SYT9: variants seen among roughly 807,000 people sequenced by gnomAD.
The protein encoded by SYT9 is synaptotagmin-9.
SYT9 carries 22 observed loss-of-function variants against 48.4 expected under a neutral mutation model. That is an observed-to-expected ratio of 0.45 (90% CI 0.32 to 0.65). The LOEUF (loss-of-function observed/expected upper bound fraction) is 0.65, where lower values mean the gene tolerates loss of function less well. SYT9 is among the 30% of genes least tolerant of loss of function. The probability of loss-of-function intolerance (pLI) is 0.03; values close to 1 mark genes in which losing one functional copy is unlikely to be tolerated. For missense variants in SYT9, 577 were observed against 622.0 expected (o/e 0.93, Z 0.77); for synonymous variants, 265 against 245.0 (o/e 1.08, Z -0.76).
At chr11:7,449,856 C>T (rs1848012651) in intron 6 of SYT9, among the ~76,000 whole-genome samples, 1 of 152,082 alleles carries the variant, frequency 6.6e-6, no homozygotes. Flanking sequence ...TGTTTGTGAG[C>T]ATTGGGTCTG....
At chr11:7,331,262 A>G (rs1849524392) in intron 3 of SYT9, among the ~76,000 whole-genome samples, 1 of 75,900 alleles carries the variant, frequency 1.3e-5, no homozygotes, top group East Asian at 3.2e-3. Context: ...AACTGGTGGT[A>G]GCTGACTAAT....
intron 6 of SYT9, 66 bp from the exon 7 acceptor site, chr11:7,466,726 A>AG: frequency 1.3e-6 from 2 of 1,557,010 alleles, no homozygotes; most frequent in Non-Finnish European, 1.7e-6. Flanking sequence ...GTCTCAAAAA[A>AG]AAAAAAAAAA....
At position 7,425,180 on chromosome 11, in the gene SYT9, G is replaced by A. The variant is rs555598891; in HGVS notation, c.1467+4545G>A. On this transcript the variant is annotated intron_variant, in intron 6 of 6. Coordinates refer to ENST00000318881, the MANE Select transcript of SYT9 (RefSeq NM_175733.4). ...CAAGATTTGATTAGGTGTCCATCCCGGTGCAATTTGCTGTAGGTCTGGGGT... is the reference window on the plus strand; with the variant it reads ...CAAGATTTGATTAGGTGTCCATCCCAGTGCAATTTGCTGTAGGTCTGGGGT... Among the ~76,000 whole-genome samples the A allele has an allele frequency of 2.0e-4, 31 of 152,220 alleles. No individual in the cohort carries two copies. In the South Asian group the frequency reaches 5.0e-3, roughly 24 times the overall value.
intron 6 of SYT9, chr11:7,465,876 C>G (rs148347270): frequency 6.0e-6 from 1 of 165,876 alleles, no homozygotes; most frequent in Non-Finnish European, 1.3e-5. Flanking sequence ...CCCATCAGAT[C>G]TCGTGAGACT....
intron 6 of SYT9, chr11:7,444,168 A>G (rs12295324): frequency 0.13 from 19,163 of 152,260 alleles, 1,831 homozygotes; most frequent in African/African-American, 0.26. Flanking sequence ...ATGAACTGAC[A>G]GGTCTGAGAA....
intron 1 of SYT9, among the ~76,000 whole-genome samples, chr11:7,290,203 C>G (rs140558056): frequency 6.6e-6 from 1 of 152,296 alleles, no homozygotes; most frequent in East Asian, 1.9e-4. Flanking sequence ...TATTCTGACA[C>G]TAGGCAACCT....
chr11:7,436,707 G>T (rs1285523428), intron 6 of SYT9, among the ~76,000 whole-genome samples: 1 of 152,180 alleles, frequency 6.6e-6, no homozygotes, highest in Non-Finnish European at 1.5e-5. Flanking sequence ...ACAGATAAAT[G>T]CAAGAGCTAC....
chr11:7,377,552 T>A (rs1363573484), intron 3 of SYT9, among the ~76,000 whole-genome samples: 2 of 152,148 alleles, frequency 1.3e-5, no homozygotes, highest in Admixed American at 1.3e-4. Flanking sequence ...TCTCTTTCTT[T>A]ATTTTTTTTT....
chr11:7,454,328 T>A (rs1420274587), intron 6 of SYT9: 7 of 983,376 alleles, frequency 7.1e-6, no homozygotes. Context: ...GCTTACCATT[T>A]CCGCTCTCTG....
At chr11:7,379,325 G>T (rs1850514972) in intron 3 of SYT9, among the ~76,000 whole-genome samples, 1 of 152,094 alleles carries the variant, frequency 6.6e-6, no homozygotes, top group Non-Finnish European at 1.5e-5. Flanking sequence ...CCTGTGTCAG[G>T]TGCACCAAGG....
At chr11:7,409,962 T>G (rs1164051450) in intron 3 of SYT9, among the ~76,000 whole-genome samples, 2 of 152,152 alleles carry the variant, frequency 1.3e-5, no homozygotes. Context: ...ATCTTTCTAC[T>G]TTTTTGATGT....
intron 3 of SYT9, among the ~76,000 whole-genome samples, chr11:7,338,625 C>G (rs974539424): frequency 6.6e-6 from 1 of 152,006 alleles, no homozygotes; most frequent in Non-Finnish European, 1.5e-5. Flanking sequence ...CATTCAGGAG[C>G]AGGTGGTTTA....
intron 1 of SYT9, among the ~76,000 whole-genome samples, chr11:7,298,783 T>A (rs1380633922): frequency 1.3e-5 from 2 of 152,134 alleles, no homozygotes; most frequent in African/African-American, 4.8e-5. Flanking sequence ...ATGCATCACG[T>A]CTTATGGCTA....
chr11:7,422,796 T>C (rs1320042), intron 6 of SYT9, among the ~76,000 whole-genome samples: 104,039 of 151,960 alleles, frequency 0.68, 36,942 homozygotes, highest in Middle Eastern at 0.8. Context: ...TGCACACGGG[T>C]CCCTGAGTGG....
At chr11:7,452,696 C>A (rs1848076763) in intron 6 of SYT9, among the ~76,000 whole-genome samples, 1 of 152,056 alleles carries the variant, frequency 6.6e-6, no homozygotes, top group South Asian at 2.1e-4. Context: ...AGCAATGGAG[C>A]CAGTTGCCCA....
chr11:7,249,530 C>A (rs1005765187), upstream of SYT9, among the ~76,000 whole-genome samples: 1 of 152,156 alleles, frequency 6.6e-6, no homozygotes, highest in African/African-American at 2.4e-5. Flanking sequence ...ATTTTACTTT[C>A]TTTGCCTGTA....
At chr11:7,381,099 C>T (rs1259367846) in intron 3 of SYT9, among the ~76,000 whole-genome samples, 1 of 152,144 alleles carries the variant, frequency 6.6e-6, no homozygotes, top group Non-Finnish European at 1.5e-5. Context: ...GGTTGTCAAA[C>T]TAGATTATAA....
intron 1 of SYT9, among the ~76,000 whole-genome samples, chr11:7,253,579 T>A (rs371305817): frequency 3.0e-4 from 7 of 23,346 alleles, no homozygotes; most frequent in African/African-American, 6.9e-4. Context: ...TACCAGAGGC[T>A]TTTTTTTCCT....
At chr11:7,382,423 A>ATT (rs909828036) in intron 3 of SYT9, among the ~76,000 whole-genome samples, 1 of 151,118 alleles carries the variant, frequency 6.6e-6, no homozygotes, top group Admixed American at 6.6e-5. Context: ...ACTGAGAGGA[A>ATT]TTTTTTTTTT....
Sources: gnomAD v4.1 joint callset for allele counts (sites outside exome capture counted in the v4.1 genomes callset) on GRCh38, gnomAD v4.1.1 for gene constraint, MANE v1.5 for transcripts, NCBI Gene and HGNC (gene_info 2026-07-23, HGNC 2026-07-21) for gene names.